Variants in TENM1 observed in about 807,000 individuals in gnomAD.
TENM1 encodes the protein teneurin transmembrane protein 1.
Under a neutral mutation model 174.8 loss-of-function variants are expected in TENM1, and 35 were observed. That is an observed-to-expected ratio of 0.20 (90% CI 0.15 to 0.27). TENM1 has a LOEUF of 0.27. TENM1 is among the 10% of genes least tolerant of loss of function. The pLI is 1.00. For missense variants in TENM1, 1,633 were observed against 2,130.1 expected (o/e 0.77, Z 4.59); for synonymous variants, 781 against 798.7 (o/e 0.98, Z 0.37).
chrX:124,581,247 A>C (rs911071194), intron 11 of TENM1, among the ~76,000 whole-genome samples: 2 of 109,108 alleles, frequency 1.8e-5, no homozygotes. Flanking sequence ...TTGTATTTTT[A>C]GTAGAGACAG....
chrX:124,869,062 CAAAAA>C (rs146594515), intron 3 of TENM1, among the ~76,000 whole-genome samples: 2 of 52,803 alleles, frequency 3.8e-5, no homozygotes, highest in African/African-American at 7.0e-5. Context: ...CCGTCTCTAC[CAAAAA>C]AAAAAAAAAA....
intron 3 of TENM1, among the ~76,000 whole-genome samples, chrX:124,783,353 C>T (rs1179465381): frequency 9.0e-6 from 1 of 111,305 alleles, no homozygotes; most frequent in Non-Finnish European, 1.9e-5. Context: ...TTTAAGTGTA[C>T]ATTACATAAT....
At chrX:124,830,135 C>T (rs2056257931) in intron 3 of TENM1, among the ~76,000 whole-genome samples, 1 of 111,475 alleles carries the variant, frequency 9.0e-6, no homozygotes, top group South Asian at 3.8e-4. Context: ...GGACATGTGT[C>T]ATATGCAAAT....
At chrX:124,405,343 T>A (rs757823562) in intron 26 of TENM1, 77 bp from the exon 30 acceptor site, 355 of 855,955 alleles carry the variant, frequency 4.1e-4, no homozygotes, top group Non-Finnish European at 5.7e-4. Flanking sequence ...AGGTTTAGTT[T>A]TAGGAGGCAC....
At chrX:124,425,739 T>A (rs961305041) in intron 23 of TENM1, among the ~76,000 whole-genome samples, 1 of 112,057 alleles carries the variant, frequency 8.9e-6, no homozygotes, top group African/African-American at 3.2e-5. Flanking sequence ...AGTTTTGTTT[T>A]GATGGCTGTG....
chrX:125,177,873 A>C, the TENM1 span, among the ~76,000 whole-genome samples: 1 of 112,126 alleles, frequency 8.9e-6, no homozygotes, highest in African/African-American at 3.2e-5. Context: ...CACGTAGCAA[A>C]ACCCCAAGGT....
At chrX:124,682,326 G>T (rs1292107828) in intron 5 of TENM1, among the ~76,000 whole-genome samples, 3 of 111,244 alleles carry the variant, frequency 2.7e-5, no homozygotes, top group Admixed American at 9.6e-5. Flanking sequence ...TTTTATAAAG[G>T]TTAGCATAAA....
intron 22 of TENM1, among the ~76,000 whole-genome samples, chrX:124,461,710 C>T (rs1569532861): frequency 1.8e-5 from 2 of 111,053 alleles, no homozygotes; most frequent in African/African-American, 6.6e-5. Context: ...GTAGATTAGT[C>T]GTTACCGGAG....
chrX:124,463,322 C>T (rs2061200170), intron 22 of TENM1, among the ~76,000 whole-genome samples: 1 of 111,761 alleles, frequency 8.9e-6, no homozygotes, highest in Non-Finnish European at 1.9e-5. Context: ...GTGAAGCTCA[C>T]AAGAGCCAAT....
intron 3 of TENM1, among the ~76,000 whole-genome samples, chrX:124,834,346 AGG>A (rs1334565803): frequency 9.0e-6 from 1 of 110,932 alleles, no homozygotes; most frequent in African/African-American, 3.3e-5. Context: ...TAATTTTTGT[AGG>A]TTTAGTAGAG....
chrX:125,126,646 A>G, the TENM1 span, among the ~76,000 whole-genome samples: 1,472 of 109,987 alleles, frequency 0.013, 27 homozygotes, highest in African/African-American at 0.045. Flanking sequence ...TATATGCTCT[A>G]AATTGGTCTA....
At chrX:125,177,467 G>A in the TENM1 span, among the ~76,000 whole-genome samples, 4 of 112,222 alleles carry the variant, frequency 3.6e-5, no homozygotes, top group Non-Finnish European at 7.5e-5. Context: ...CACAAGGCAT[G>A]GGATTATATT....
the TENM1 span, among the ~76,000 whole-genome samples, chrX:124,992,073 G>T: frequency 1.8e-5 from 2 of 111,172 alleles, no homozygotes; most frequent in African/African-American, 3.3e-5. Context: ...TCTCCTGACA[G>T]AGCTAGACCT....
chrX:124,391,960 C>T, intron 28 of TENM1, 92 bp downstream of exon 31: 1 of 712,917 alleles, frequency 1.4e-6, no homozygotes, highest in Non-Finnish European at 2.1e-6. Flanking sequence ...AGACTTTTCT[C>T]CTGCAGGTCC....
the TENM1 span, among the ~76,000 whole-genome samples, chrX:125,199,477 C>T: frequency 4.5e-5 from 5 of 112,003 alleles, no homozygotes; most frequent in Admixed American, 9.5e-5. Context: ...TAGAATAGAG[C>T]GGGGGTGGAG....
At chrX:124,420,240 G>C in intron 25 of TENM1, 71 bp downstream of exon 28, 2 of 1,047,672 alleles carry the variant, frequency 1.9e-6, no homozygotes, top group East Asian at 6.1e-5. Context: ...CAATTACTAA[G>C]GCATTTTCCC....
At chrX:124,811,473 A>G (rs922772258) in intron 3 of TENM1, among the ~76,000 whole-genome samples, 1 of 111,399 alleles carries the variant, frequency 9.0e-6, no homozygotes, top group African/African-American at 3.3e-5. Context: ...ATATCACCTC[A>G]CTCCTGTTAT....
chrX:125,153,103 T>C, the TENM1 span, among the ~76,000 whole-genome samples: 1 of 112,049 alleles, frequency 8.9e-6, no homozygotes, highest in African/African-American at 3.3e-5. Context: ...AAGTGTTCTC[T>C]TTCAATGTAG....
the TENM1 span, among the ~76,000 whole-genome samples, chrX:125,056,345 C>T: frequency 3.6e-5 from 4 of 111,516 alleles, no homozygotes; most frequent in Non-Finnish European, 3.8e-5. Context: ...TAGAGAATTT[C>T]TTAAGATGTA....
Sources: gnomAD v4.1 joint callset for allele counts (sites outside exome capture counted in the v4.1 genomes callset) on GRCh38, gnomAD v4.1.1 for gene constraint, MANE v1.5 for transcripts, NCBI Gene and HGNC (gene_info 2026-07-23, HGNC 2026-07-21) for gene names.